Variants in APOLD1 observed in about 807,000 individuals in gnomAD.
APOLD1 encodes the protein apolipoprotein L domain containing 1, also known as apolipoprotein L domain-containing protein 1.
Under a neutral mutation model 15.3 loss-of-function variants are expected in APOLD1, and 22 were observed. The observed-to-expected ratio is 1.44, with a 90% CI of 1.03 to 2.05. APOLD1 has a LOEUF of 2.05. Ranked by LOEUF, APOLD1 falls within the 30% of genes most tolerant of loss-of-function variation. The pLI is 0.00. For missense variants in APOLD1, 394 were observed against 353.5 expected (o/e 1.11, Z -0.92); for synonymous variants, 190 against 167.4 (o/e 1.13, Z -1.04).
In APOLD1 at chr12:12,787,642, T is replaced by C. The variant is rs764794747; in HGVS notation, c.737T>C (p.Leu246Pro). 6 of 1,590,296 alleles carry C rather than the reference T, an allele frequency of 3.8e-6. No homozygotes were observed. The highest frequency in any genetic ancestry group is 5.1e-6 in the Non-Finnish European group (6 of 1,170,666). ...ATCTCTGCTGACCAGCGTGCAGGGC[T>C]GTTTTTCTGAGAACATCCTTTCCCC... Reference protein sequence around the residue: ...LKISADQRAGLFF With the variant: ...LKISADQRAGPFF Residue 246 changes from leucine (L) to proline (P), a missense_variant, in exon 2 of 2, where the codon CTG becomes CCG. By Grantham distance (98) the Leu-to-Pro change is moderately conservative (BLOSUM62 -3). Transcript: ENST00000356591. This position sits in a 1 kb window ranked among gnomAD's most constrained non-coding sequence, Gnocchi z 4.9.
intron 1 of APOLD1, among the ~76,000 whole-genome samples, chr12:12,768,638 C>A (rs1240655724): frequency 6.6e-6 from 1 of 150,594 alleles, no homozygotes; most frequent in Non-Finnish European, 1.5e-5. Context: ...GGCAACACAG[C>A]AAGACCTCAT....
intron 1 of APOLD1, among the ~76,000 whole-genome samples, chr12:12,772,042 C>T (rs1400818488): frequency 1.3e-5 from 2 of 151,582 alleles, no homozygotes; most frequent in Non-Finnish European, 2.9e-5. Context: ...ATTGTAACAA[C>T]AAAAGGCAAA....
intron 1 of APOLD1, among the ~76,000 whole-genome samples, chr12:12,773,797 T>C (rs758599549): frequency 2.0e-5 from 3 of 152,060 alleles, no homozygotes; most frequent in Non-Finnish European, 4.4e-5. Flanking sequence ...CACATAAATA[T>C]AGACAATTGA....
intron 1 of APOLD1, among the ~76,000 whole-genome samples, chr12:12,731,880 C>A (rs1453381322): frequency 6.6e-6 from 1 of 152,196 alleles, no homozygotes; most frequent in Non-Finnish European, 1.5e-5. Flanking sequence ...AAGCCACGAC[C>A]GTCTTTCAGG....
chr12:12,734,380 C>T (rs1399846586), intron 1 of APOLD1, among the ~76,000 whole-genome samples: 1 of 152,178 alleles, frequency 6.6e-6, no homozygotes, highest in Non-Finnish European at 1.5e-5. Flanking sequence ...TCAAGTTAGC[C>T]GACTAATCTT....
intron 1 of APOLD1, chr12:12,726,442 A>C (rs1238560557): frequency 2.8e-6 from 1 of 355,126 alleles, no homozygotes. Context: ...TCTTTTTTGT[A>C]ATACAGGTCT....
At chr12:12,770,593 A>G (rs2136391880) in intron 1 of APOLD1, among the ~76,000 whole-genome samples, 1 of 151,736 alleles carries the variant, frequency 6.6e-6, no homozygotes. Flanking sequence ...CAACAACAGA[A>G]AAGAATATCC....
chr12:12,751,145 G>A (rs911235131), intron 1 of APOLD1, among the ~76,000 whole-genome samples: 23 of 151,950 alleles, frequency 1.5e-4, no homozygotes, highest in African/African-American at 5.3e-4. Context: ...GAGCAAAATC[G>A]CCATTGCCTA....
intron 1 of APOLD1, among the ~76,000 whole-genome samples, chr12:12,729,132 CT>C (rs2136365784): frequency 6.6e-6 from 1 of 151,878 alleles, no homozygotes; most frequent in Non-Finnish European, 1.5e-5. Context: ...CCCTTTACTC[CT>C]TTTTTTCCCC....
At chr12:12,758,112 A>C (rs1307264401) in intron 1 of APOLD1, among the ~76,000 whole-genome samples, 1 of 120,988 alleles carries the variant, frequency 8.3e-6, no homozygotes, top group Non-Finnish European at 1.8e-5. Context: ...TTTTTTTTTT[A>C]ATTTTAGTAG....
At chr12:12,777,392 C>T (rs1418511833) in intron 1 of APOLD1, among the ~76,000 whole-genome samples, 1 of 152,172 alleles carries the variant, frequency 6.6e-6, no homozygotes, top group African/African-American at 2.4e-5. Flanking sequence ...GATGTCCTTT[C>T]AGTTTCTTGG....
intron 1 of APOLD1, among the ~76,000 whole-genome samples, chr12:12,740,261 G>T (rs1946721193): frequency 6.6e-6 from 1 of 152,108 alleles, no homozygotes. Flanking sequence ...GATTACAGGT[G>T]TGAGCCACCA....
chr12:12,737,331 C>A (rs1285662384), intron 1 of APOLD1, among the ~76,000 whole-genome samples: 3 of 151,886 alleles, frequency 2.0e-5, no homozygotes, highest in African/African-American at 7.3e-5. Flanking sequence ...ATGGCTGTGA[C>A]CCACCCCATA....
intron 1 of APOLD1, among the ~76,000 whole-genome samples, chr12:12,751,890 C>T (rs1448124773): frequency 2.6e-5 from 4 of 152,066 alleles, no homozygotes; most frequent in Admixed American, 1.3e-4. Flanking sequence ...AGTGATGTGA[C>T]GGCAGAAGCA....
chr12:12,727,742 A>C (rs1465731021), intron 1 of APOLD1, among the ~76,000 whole-genome samples: 2 of 148,166 alleles, frequency 1.3e-5, no homozygotes, highest in East Asian at 4.0e-4. Flanking sequence ...CACTGCAATT[A>C]CATGTGTGCT....
intron 1 of APOLD1, among the ~76,000 whole-genome samples, chr12:12,779,154 C>T (rs762231169): frequency 2.6e-5 from 4 of 152,168 alleles, no homozygotes; most frequent in African/African-American, 4.8e-5. Flanking sequence ...CTGTTTGACT[C>T]TCAAGATTCA....
upstream of APOLD1, among the ~76,000 whole-genome samples, chr12:12,784,995 T>C (rs1404569837): frequency 6.6e-6 from 1 of 152,234 alleles, no homozygotes; most frequent in Non-Finnish European, 1.5e-5. Context: ...TAGCTCCTCA[T>C]GCAGCCTGAC....
At chr12:12,736,073 A>T (rs191248584) in intron 1 of APOLD1, among the ~76,000 whole-genome samples, 1 of 152,154 alleles carries the variant, frequency 6.6e-6, no homozygotes, top group African/African-American at 2.4e-5. Context: ...ACAAACAACT[A>T]GGCTGGGAGC....
intron 1 of APOLD1, among the ~76,000 whole-genome samples, chr12:12,745,428 G>C (rs920085899): frequency 6.6e-6 from 1 of 152,072 alleles, no homozygotes; most frequent in African/African-American, 2.4e-5. Flanking sequence ...TACTCTGGAG[G>C]CTGAGGCTGG....
Sources: allele counts gnomAD v4.1 joint callset (sites outside exome capture counted in the v4.1 genomes callset), GRCh38; gene constraint gnomAD v4.1.1; non-coding constraint Gnocchi (gnomAD v3.1); transcripts MANE v1.5; gene names NCBI Gene and HGNC (gene_info 2026-07-23, HGNC 2026-07-21).